NOL10: variants seen among roughly 807,000 people sequenced by gnomAD.
NOL10 encodes nucleolar protein 10.
NOL10 carries 58 observed loss-of-function variants against 103.5 expected under a neutral mutation model. The ratio of observed to expected loss-of-function variants is 0.56; its 90% confidence interval spans 0.45 to 0.70. The LOEUF (loss-of-function observed/expected upper bound fraction) is 0.70, where lower values mean the gene tolerates loss of function less well. Ranked by LOEUF, NOL10 falls within the 30% of genes least tolerant of loss-of-function variation. The pLI, the probability that NOL10 is intolerant of heterozygous loss-of-function variation, is 0.00. For synonymous variants in NOL10, 287 were observed against 282.5 expected, an observed-to-expected ratio of 1.02 and a Z score of -0.16; for missense variants, 763 against 807.3, an observed-to-expected ratio of 0.95 and a Z score of 0.67.
At chr2:10,606,321 C>T (rs1676255083) in intron 14 of NOL10, among the ~76,000 whole-genome samples, 1 of 151,102 alleles carries the variant, frequency 6.6e-6, no homozygotes, top group South Asian at 2.1e-4. Flanking sequence ...ACATGTAGAA[C>T]GCTTAGAATA....
intron 13 of NOL10, among the ~76,000 whole-genome samples, chr2:10,636,764 A>G (rs537803061): frequency 6.6e-6 from 1 of 152,336 alleles, no homozygotes; most frequent in South Asian, 2.1e-4. Flanking sequence ...AAGATCACAT[A>G]GCGATGATTA....
intron 4 of NOL10, among the ~76,000 whole-genome samples, chr2:10,675,094 T>C (rs886316419): frequency 1.3e-5 from 2 of 152,028 alleles, no homozygotes; most frequent in Non-Finnish European, 2.9e-5. Flanking sequence ...TTCTAGCTAC[T>C]TGGGAGGCTA....
chr2:10,648,216 A>G (rs1343611079), intron 12 of NOL10, among the ~76,000 whole-genome samples: 3 of 152,222 alleles, frequency 2.0e-5, no homozygotes, highest in African/African-American at 4.8e-5. Flanking sequence ...TTACAAAACC[A>G]TAATCATGAT....
chr2:10,607,297 A>T lies in NOL10; in HGVS notation c.1041T>A (p.Ala347=). Residue 347 remains alanine, a synonymous_variant, in exon 14 of 21, where the codon GCT becomes GCA. Coordinates refer to ENST00000381685, the MANE Select transcript of NOL10 (RefSeq NM_024894.4). ...GIYYIPVLGP[A]PRWCSFLDNL... is the part of the protein sequence containing the mutation. ...TGTCTAAGAAGGAACACCACCGAGG[A>T]GCAGGACCCAAAACCTGTTGGTGTT... The T allele has an allele frequency of 6.2e-7, 1 of 1,603,428 alleles. No homozygotes were observed. Among genetic ancestry groups the T allele is most frequent in the Non-Finnish European group, 8.5e-7 (1 of 1,175,130 alleles).
At position 10,577,672 on chromosome 2, in the gene NOL10, G is replaced by A. The variant is rs781516883; in HGVS notation, c.1911C>T (p.Thr637=). The A allele has an allele frequency of 7.4e-6, 12 of 1,612,508 alleles. No individual in the cohort carries two copies. The East Asian group carries it at 1.8e-4, about 24-fold the overall frequency. The part of the protein sequence containing the change: ...KNGTLSVSDT[T]VGSKQLTFTL... ...TGAATGTCAATTGTTTGCTGCCAAC[G>A]GTGGTGTCGGATACACTCAATGTCC... Residue 637 remains threonine, a synonymous_variant, in exon 20 of 21, where the codon ACC becomes ACT. Transcript: ENST00000381685.
intron 12 of NOL10, among the ~76,000 whole-genome samples, chr2:10,654,173 C>T (rs1006985398): frequency 7.9e-5 from 12 of 152,152 alleles, no homozygotes; most frequent in Non-Finnish European, 1.5e-4. Flanking sequence ...CTAAAGAGCA[C>T]ACTAAAATAG....
intron 8 of NOL10, among the ~76,000 whole-genome samples, chr2:10,666,119 A>G (rs1214057599): frequency 1.3e-5 from 2 of 152,176 alleles, no homozygotes; most frequent in South Asian, 2.1e-4. Flanking sequence ...GCTCCCACTC[A>G]TAAGTGAGAA....
intron 20 of NOL10, among the ~76,000 whole-genome samples, chr2:10,575,725 G>A (rs1351442430): frequency 1.3e-5 from 2 of 152,138 alleles, no homozygotes; most frequent in East Asian, 3.9e-4. Context: ...CCAGCAGAGG[G>A]GCCTCTGCAG....
intron 13 of NOL10, among the ~76,000 whole-genome samples, chr2:10,630,114 T>C (rs890214858): frequency 2.0e-5 from 3 of 152,196 alleles, no homozygotes; most frequent in African/African-American, 7.2e-5. Context: ...ATCCAAATAC[T>C]CTTTGCCACC....
At chr2:10,619,005 T>G (rs1325065820) in intron 13 of NOL10, among the ~76,000 whole-genome samples, 1 of 152,208 alleles carries the variant, frequency 6.6e-6, no homozygotes, top group Non-Finnish European at 1.5e-5. Flanking sequence ...TTCACGTACC[T>G]AACGGAGGTT....
At chr2:10,680,044 T>C (rs1286204051) in intron 3 of NOL10, among the ~76,000 whole-genome samples, 2 of 151,626 alleles carry the variant, frequency 1.3e-5, no homozygotes, top group African/African-American at 4.8e-5. Context: ...GAAGGGCGAG[T>C]TGGGCGGATC....
intron 13 of NOL10, among the ~76,000 whole-genome samples, chr2:10,618,715 T>C (rs962621886): frequency 6.6e-6 from 1 of 152,126 alleles, no homozygotes; most frequent in Admixed American, 6.5e-5. Context: ...CTAAGAAACA[T>C]TTATTCCCAC....
intron 13 of NOL10, among the ~76,000 whole-genome samples, chr2:10,615,124 T>A (rs1253581830): frequency 6.6e-6 from 1 of 152,252 alleles, no homozygotes; most frequent in African/African-American, 2.4e-5. Flanking sequence ...CCTAATTGCA[T>A]ATCCAAGTTT....
chr2:10,648,271 AAGAC>A (rs1004695413), intron 12 of NOL10, among the ~76,000 whole-genome samples: 4 of 152,218 alleles, frequency 2.6e-5, no homozygotes, highest in African/African-American at 9.6e-5. Context: ...AGAAAAAAGA[AAGAC>A]AGTTTCAGCT....
intron 19 of NOL10, among the ~76,000 whole-genome samples, chr2:10,578,411 T>C (rs1241825344): frequency 6.6e-6 from 1 of 152,238 alleles, no homozygotes; most frequent in East Asian, 1.9e-4. Context: ...CCAGGTACCT[T>C]TCCTTTTAGT....
intron 13 of NOL10, among the ~76,000 whole-genome samples, chr2:10,607,931 T>C (rs573020356): frequency 1.3e-5 from 2 of 152,160 alleles, no homozygotes; most frequent in South Asian, 4.2e-4. Flanking sequence ...TTCTGCATGG[T>C]CCACTTCATT....
At chr2:10,642,833 T>G (rs2148277867) in intron 13 of NOL10, among the ~76,000 whole-genome samples, 1 of 152,184 alleles carries the variant, frequency 6.6e-6, no homozygotes, top group South Asian at 2.1e-4. Flanking sequence ...GGGCCCTCAG[T>G]GGGTACAGGG....
intron 2 of NOL10, among the ~76,000 whole-genome samples, chr2:10,683,263 T>C (rs1681909242): frequency 1.3e-5 from 2 of 152,124 alleles, no homozygotes; most frequent in South Asian, 4.1e-4. Context: ...GAAGAAAATA[T>C]AATGAAAACT....
chr2:10,674,183 A>C (rs1405783933), intron 4 of NOL10, among the ~76,000 whole-genome samples: 1 of 151,754 alleles, frequency 6.6e-6, no homozygotes, highest in African/African-American at 2.4e-5. Context: ...ATAACACTGC[A>C]CTCCAGCCTG....
Sources: gnomAD v4.1 joint callset for allele counts (sites outside exome capture counted in the v4.1 genomes callset) on GRCh38, gnomAD v4.1.1 for gene constraint, MANE v1.5 for transcripts, NCBI Gene and HGNC (gene_info 2026-07-23, HGNC 2026-07-21) for gene names.